XYLT1: variants seen among roughly 807,000 people sequenced by gnomAD.
XYLT1 encodes xylosyltransferase 1.
A neutral mutation model predicts 91.3 loss-of-function variants in XYLT1; 36 were observed. The observed-to-expected ratio is 0.39, with a 90% CI of 0.30 to 0.52. The LOEUF (loss-of-function observed/expected upper bound fraction) is 0.52. XYLT1 is among the 20% of genes least tolerant of loss of function. XYLT1 has a pLI of 0.68. For synonymous variants in XYLT1, 588 were observed against 532.0 expected, an observed-to-expected ratio of 1.11 and a Z score of -1.45; for missense variants, 1,242 against 1,284.5, an observed-to-expected ratio of 0.97 and a Z score of 0.51.
intron 2 of XYLT1, among the ~76,000 whole-genome samples, chr16:17,311,028 C>T (rs1045301181): frequency 5.3e-5 from 8 of 152,196 alleles, no homozygotes; most frequent in African/African-American, 1.9e-4. Context: ...CTTTCCAGCT[C>T]ACACGCATCT....
intron 2 of XYLT1, among the ~76,000 whole-genome samples, chr16:17,295,782 G>A (rs1414081921): frequency 6.6e-6 from 1 of 152,176 alleles, no homozygotes; most frequent in Admixed American, 6.5e-5. Flanking sequence ...AGAGTCCAGA[G>A]ATGCTGCTTA....
chr16:17,355,655 T>C (rs2035285333), intron 2 of XYLT1, among the ~76,000 whole-genome samples: 1 of 152,190 alleles, frequency 6.6e-6, no homozygotes, highest in Non-Finnish European at 1.5e-5. Flanking sequence ...TGTGGTTCCA[T>C]GAATATTATT....
At chr16:17,324,599 C>T (rs367968980) in intron 2 of XYLT1, among the ~76,000 whole-genome samples, 3 of 152,234 alleles carry the variant, frequency 2.0e-5, no homozygotes, top group South Asian at 2.1e-4. Context: ...TTTCTGAGCG[C>T]GTCTTCGTGC....
intron 10 of XYLT1, among the ~76,000 whole-genome samples, chr16:17,125,542 T>C (rs558565461): frequency 2.6e-5 from 4 of 151,916 alleles, no homozygotes; most frequent in Non-Finnish European, 5.9e-5. Flanking sequence ...TTGTATATGC[T>C]CTTCTCTCTG....
At chr16:17,147,254 A>G (rs2031158328) in intron 6 of XYLT1, among the ~76,000 whole-genome samples, 1 of 152,252 alleles carries the variant, frequency 6.6e-6, no homozygotes, top group African/African-American at 2.4e-5. Flanking sequence ...AGTGCTAATT[A>G]TACAAAAATG....
At chr16:17,350,675 C>T (rs532968277) in intron 2 of XYLT1, among the ~76,000 whole-genome samples, 10 of 152,314 alleles carry the variant, frequency 6.6e-5, no homozygotes, top group Middle Eastern at 3.4e-3. Flanking sequence ...AATTTAGTCT[C>T]ACCATCCTCT....
chr16:17,239,689 T>C (rs1247157343), intron 3 of XYLT1, among the ~76,000 whole-genome samples: 3 of 150,610 alleles, frequency 2.0e-5, no homozygotes, highest in Non-Finnish European at 4.4e-5. Flanking sequence ...CATCCATTCA[T>C]CCATCCACCC....
chr16:17,307,504 C>A (rs1015234111), intron 2 of XYLT1, among the ~76,000 whole-genome samples: 7 of 152,138 alleles, frequency 4.6e-5, no homozygotes, highest in Non-Finnish European at 1.0e-4. Context: ...ATCAAATGTG[C>A]TTGGGTGCAG....
chr16:17,350,166 G>A (rs1260031769), intron 2 of XYLT1, among the ~76,000 whole-genome samples: 1 of 152,164 alleles, frequency 6.6e-6, no homozygotes, highest in Non-Finnish European at 1.5e-5. Flanking sequence ...GAGCCACCGT[G>A]CCCAGCCAAG....
In XYLT1 at chr16:17,450,362, C is replaced by CAAACAAACA. The variant is rs60371623; in HGVS notation, c.363+20071_363+20072insTGTTTGTTT. The stretch of plus-strand genomic sequence containing the variant: ...CAAAACAAACAAACAAACAAACAAA[C>CAAACAAACA]AAAAAAAAAAAGGTGAGAAGGATTC... On this transcript the variant is annotated intron_variant, in intron 1 of 11. Transcript: ENST00000261381. Among the ~76,000 whole-genome samples, 149 of 145,536 alleles carry CAAACAAACA rather than the reference C, an allele frequency of 1.0e-3. 1 individual carries two copies. The highest frequency in any genetic ancestry group is 7.2e-3 in the Middle Eastern group (2 of 278).
At chr16:17,191,015 C>T (rs2032298358) in intron 5 of XYLT1, among the ~76,000 whole-genome samples, 1 of 152,176 alleles carries the variant, frequency 6.6e-6, no homozygotes, top group Admixed American at 6.5e-5. Flanking sequence ...GCTTGTCCAA[C>T]CCTGCCTTAT....
At chr16:17,452,252 A>G (rs1349232884) in intron 1 of XYLT1, among the ~76,000 whole-genome samples, 3 of 139,126 alleles carry the variant, frequency 2.2e-5, no homozygotes, top group Admixed American at 2.1e-4. Flanking sequence ...TTCTGCCTTT[A>G]TTTTTCTTAA....
At chr16:17,255,084 C>G (rs553430428) in intron 3 of XYLT1, among the ~76,000 whole-genome samples, 2 of 150,294 alleles carry the variant, frequency 1.3e-5, no homozygotes, top group Admixed American at 1.3e-4. Context: ...GCAACCTCTG[C>G]CCCTTGGGTT....
intron 1 of XYLT1, among the ~76,000 whole-genome samples, chr16:17,404,194 G>T (rs2036002254): frequency 6.6e-6 from 1 of 152,162 alleles, no homozygotes; most frequent in Admixed American, 6.5e-5. Context: ...CCCCATCCAG[G>T]TGGGACACAG....
intron 1 of XYLT1, among the ~76,000 whole-genome samples, chr16:17,459,131 G>C (rs372605449): frequency 6.6e-6 from 1 of 152,298 alleles, no homozygotes; most frequent in African/African-American, 2.4e-5. Flanking sequence ...CAGCAGTTTG[G>C]GAGGCTGAGG....
chr16:17,184,504 T>C (rs1425254308), intron 5 of XYLT1, among the ~76,000 whole-genome samples: 2 of 151,534 alleles, frequency 1.3e-5, no homozygotes, highest in Non-Finnish European at 2.9e-5. Context: ...TTGTACCCCA[T>C]GGCATCGATG....
intron 3 of XYLT1, among the ~76,000 whole-genome samples, chr16:17,235,462 C>T (rs755238039): frequency 6.6e-6 from 1 of 151,998 alleles, no homozygotes; most frequent in Non-Finnish European, 1.5e-5. Flanking sequence ...GCTAACCTGG[C>T]CAAAGGTCAC....
intron 2 of XYLT1, 62 bp downstream of exon 2, chr16:17,357,950 G>A (rs2035324591): frequency 1.9e-6 from 3 of 1,579,760 alleles, no homozygotes; most frequent in East Asian, 2.2e-5. Context: ...CACGGGACAA[G>A]TCCCCTTGAG....
intron 6 of XYLT1, among the ~76,000 whole-genome samples, chr16:17,146,880 GC>G (rs1347140285): frequency 3.3e-5 from 5 of 152,212 alleles, no homozygotes; most frequent in Admixed American, 3.3e-4. Flanking sequence ...AAAAGACCCA[GC>G]TGTCCTATGT....
Sources: allele counts gnomAD v4.1 joint callset (sites outside exome capture counted in the v4.1 genomes callset), GRCh38; gene constraint gnomAD v4.1.1; transcripts MANE v1.5; gene names NCBI Gene and HGNC (gene_info 2026-07-23, HGNC 2026-07-21).